Variants in PSMA1 observed in about 807,000 individuals in gnomAD.
The protein encoded by PSMA1 is proteasome 20S subunit alpha 1.
A neutral mutation model predicts 38.4 loss-of-function variants in PSMA1; 3 were observed. The observed-to-expected ratio is 0.08, with a 90% CI of 0.04 to 0.20. The LOEUF (loss-of-function observed/expected upper bound fraction) is 0.20. Ranked by LOEUF, PSMA1 falls within the 10% of genes least tolerant of loss-of-function variation. The probability of loss-of-function intolerance (pLI) is 1.00; values close to 1 mark genes in which losing one functional copy is unlikely to be tolerated. For synonymous variants in PSMA1, 101 were observed against 107.1 expected (o/e 0.94, Z 0.35); for missense variants, 227 against 325.3 (o/e 0.70, Z 2.32).
At chr11:14,633,998 C>T (rs529257460) in intron 1 of PSMA1, among the ~76,000 whole-genome samples, 14 of 152,162 alleles carry the variant, frequency 9.2e-5, no homozygotes, top group African/African-American at 3.4e-4. Flanking sequence ...TGCTTCGGCT[C>T]GTGCACGGTG....
chr11:14,611,009 C>G (rs1215423851), exon 2 of PSMA1: 1 of 1,611,044 alleles, frequency 6.2e-7, no homozygotes, highest in African/African-American at 1.3e-5. Context: ...AGACAGTCAC[C>G]TAGTAGACCA....
intron 2 of PSMA1, among the ~76,000 whole-genome samples, chr11:14,566,479 T>A (rs1852073175): frequency 6.6e-6 from 1 of 152,168 alleles, no homozygotes; most frequent in Admixed American, 6.5e-5. Context: ...TGGCCACATG[T>A]GATACCATAT....
intron 1 of PSMA1, among the ~76,000 whole-genome samples, chr11:14,618,264 C>T (rs1232876125): frequency 6.6e-6 from 1 of 152,168 alleles, no homozygotes; most frequent in East Asian, 1.9e-4. Context: ...TCCTTAGTTA[C>T]TGATTGACTT....
intron 8 of PSMA1, among the ~76,000 whole-genome samples, chr11:14,509,653 A>G (rs1035832727): frequency 4.0e-5 from 6 of 151,114 alleles, no homozygotes; most frequent in East Asian, 1.9e-4. Context: ...CACTCACCTC[A>G]GCCTCCCAAA....
At chr11:14,603,242 A>G (rs1001353074) in intron 2 of PSMA1, among the ~76,000 whole-genome samples, 1 of 152,220 alleles carries the variant, frequency 6.6e-6, no homozygotes, top group Non-Finnish European at 1.5e-5. Context: ...GTAGGTAAAG[A>G]GAGATGAAGC....
intron 2 of PSMA1, among the ~76,000 whole-genome samples, chr11:14,576,176 T>G (rs1852211963): frequency 6.6e-6 from 1 of 152,238 alleles, no homozygotes; most frequent in African/African-American, 2.4e-5. Context: ...ATTCTGGATA[T>G]TAGCCCTTTG....
chr11:14,539,847 T>TCAAA (rs994941541), intron 2 of PSMA1, among the ~76,000 whole-genome samples: 5 of 145,866 alleles, frequency 3.4e-5, no homozygotes, highest in East Asian at 2.1e-4. Flanking sequence ...AGACTCCGTC[T>TCAAA]CAAACAAACA....
chr11:14,594,138 C>T (rs181748297), intron 2 of PSMA1, among the ~76,000 whole-genome samples: 1 of 152,294 alleles, frequency 6.6e-6, no homozygotes, highest in East Asian at 1.9e-4. Flanking sequence ...GATGACATTC[C>T]TTGGCCAACC....
intron 2 of PSMA1, among the ~76,000 whole-genome samples, chr11:14,533,706 C>A (rs1468210832): frequency 6.6e-6 from 1 of 151,760 alleles, no homozygotes; most frequent in Non-Finnish European, 1.5e-5. Flanking sequence ...GCATGAGCCA[C>A]TGAGCTTGGC....
rs551505865 is a variant in PSMA1 at position 14,603,151 on chromosome 11, T to G, written c.21+7815A>C. Among the ~76,000 whole-genome samples, 5 of 152,326 alleles carry G rather than the reference T, an allele frequency of 3.3e-5. No homozygotes were observed. The South Asian group carries it at 1.0e-3, about 32-fold the overall frequency. On this transcript the variant is annotated intron_variant, in intron 2 of 10. Coordinates refer to the PSMA1 transcript ENST00000418988. The stretch of plus-strand genomic sequence containing the variant: ...GTCAGGTAAGACATTTCCTGCTCCC[T>G]CTTATTCCTCTCACTGTTTTAACCC...
intron 2 of PSMA1, among the ~76,000 whole-genome samples, chr11:14,539,581 C>T (rs1851748205): frequency 6.6e-6 from 1 of 151,650 alleles, no homozygotes; most frequent in Admixed American, 6.6e-5. Flanking sequence ...TGCGGTGGCT[C>T]ACGCCTGTAA....
intron 2 of PSMA1, among the ~76,000 whole-genome samples, chr11:14,607,231 C>T (rs1852654101): frequency 6.6e-6 from 1 of 152,214 alleles, no homozygotes; most frequent in African/African-American, 2.4e-5. Flanking sequence ...AAAGTTTTAG[C>T]TCTGAACATT....
chr11:14,616,241 T>G (rs1322299042), intron 1 of PSMA1, among the ~76,000 whole-genome samples: 1 of 150,168 alleles, frequency 6.7e-6, no homozygotes, highest in East Asian at 1.9e-4. Flanking sequence ...GTTTTTTTTT[T>G]TTTTTTTTTT....
intron 2 of PSMA1, among the ~76,000 whole-genome samples, chr11:14,561,808 A>AC (rs1321978348): frequency 7.7e-5 from 11 of 142,662 alleles, no homozygotes; most frequent in African/African-American, 2.0e-4. Context: ...ACTAAACTAA[A>AC]TTAAACTAAA....
chr11:14,593,198 G>C (rs543860300), intron 2 of PSMA1, among the ~76,000 whole-genome samples: 2 of 152,290 alleles, frequency 1.3e-5, no homozygotes, highest in Admixed American at 6.5e-5. Flanking sequence ...AGCTTACATA[G>C]CTAGAAAGTG....
At chr11:14,620,172 CAGA>C (rs1444244454) in intron 1 of PSMA1, among the ~76,000 whole-genome samples, 4 of 152,084 alleles carry the variant, frequency 2.6e-5, no homozygotes, top group Admixed American at 2.0e-4. Context: ...ACAATTACAA[CAGA>C]AGAAGAACAA....
intron 2 of PSMA1, among the ~76,000 whole-genome samples, chr11:14,573,893 C>T (rs990888481): frequency 5.9e-5 from 9 of 152,258 alleles, no homozygotes; most frequent in African/African-American, 1.9e-4. Flanking sequence ...TGTGCCCCTG[C>T]TCTAGACATC....
At chr11:14,618,330 G>A (rs1392227997) in intron 1 of PSMA1, among the ~76,000 whole-genome samples, 1 of 152,164 alleles carries the variant, frequency 6.6e-6, no homozygotes, top group Non-Finnish European at 1.5e-5. Flanking sequence ...ACTAACATCT[G>A]TTTGAACCAC....
chr11:14,529,396 A>C (rs1191596653), intron 2 of PSMA1, among the ~76,000 whole-genome samples: 3 of 152,184 alleles, frequency 2.0e-5, no homozygotes, highest in Non-Finnish European at 4.4e-5. Flanking sequence ...AATAAGATAC[A>C]AATCTCATGA....
Sources: allele counts gnomAD v4.1 joint callset (sites outside exome capture counted in the v4.1 genomes callset), GRCh38; gene constraint gnomAD v4.1.1; transcripts MANE v1.5; gene names NCBI Gene and HGNC (gene_info 2026-07-23, HGNC 2026-07-21).